CNTNAP2: variants seen among roughly 807,000 people sequenced by gnomAD.
CNTNAP2 encodes contactin associated protein 2.
Under a neutral mutation model 155.2 loss-of-function variants are expected in CNTNAP2, and 98 were observed. The observed-to-expected ratio is 0.63, with a 90% CI of 0.54 to 0.75. The LOEUF (loss-of-function observed/expected upper bound fraction) is 0.75, where lower values mean the gene tolerates loss of function less well. CNTNAP2 is among the 30% of genes least tolerant of loss of function. The pLI, the probability that CNTNAP2 is intolerant of heterozygous loss-of-function variation, is 0.00. For missense variants in CNTNAP2, 1,727 were observed against 1,688.1 expected (o/e 1.02, Z -0.40); for synonymous variants, 651 against 631.2 (o/e 1.03, Z -0.47).
At chr7:147,623,507 A>G (rs10261381) in intron 12 of CNTNAP2, among the ~76,000 whole-genome samples, 13,674 of 152,126 alleles carry the variant, frequency 0.09, 1,707 homozygotes, top group African/African-American at 0.26. Flanking sequence ...CCCATTTACA[A>G]TAGCCACAGA....
At chr7:148,405,120 C>T in intron 22 of CNTNAP2, among the ~76,000 whole-genome samples, 1 of 152,096 alleles carries the variant, frequency 6.6e-6, no homozygotes, top group South Asian at 2.1e-4. Flanking sequence ...CCAGGGACTC[C>T]ACCCTCTTCT....
intron 14 of CNTNAP2, among the ~76,000 whole-genome samples, chr7:147,945,509 A>G (rs2116821325): frequency 6.6e-6 from 1 of 152,300 alleles, no homozygotes. Context: ...AGGATCAAGT[A>G]TATGGTTGAA....
At chr7:146,975,725 A>G (rs1797897018) in intron 3 of CNTNAP2, among the ~76,000 whole-genome samples, 1 of 152,192 alleles carries the variant, frequency 6.6e-6, no homozygotes, top group African/African-American at 2.4e-5. Context: ...AAAATTAGGA[A>G]GGCTTTATTT....
At chr7:148,162,256 A>G (rs560373688) in intron 17 of CNTNAP2, among the ~76,000 whole-genome samples, 1 of 152,372 alleles carries the variant, frequency 6.6e-6, no homozygotes, top group South Asian at 2.1e-4. Context: ...CTTAATATGA[A>G]CAATAACCTA....
At chr7:148,010,149 G>A (rs1056978322) in intron 15 of CNTNAP2, among the ~76,000 whole-genome samples, 1 of 151,818 alleles carries the variant, frequency 6.6e-6, no homozygotes, top group Non-Finnish European at 1.5e-5. Flanking sequence ...TTTAATTTGG[G>A]TTTTCTTGAT....
intron 1 of CNTNAP2, among the ~76,000 whole-genome samples, chr7:146,650,641 TAACA>T (rs1288730326): frequency 1.3e-5 from 2 of 152,086 alleles, no homozygotes; most frequent in African/African-American, 4.8e-5. Flanking sequence ...TATACCTATG[TAACA>T]AACCTACAGG....
intron 9 of CNTNAP2, among the ~76,000 whole-genome samples, chr7:147,329,138 A>AC (rs201685568): frequency 5.9e-4 from 88 of 149,566 alleles, no homozygotes; most frequent in East Asian, 1.6e-3. Flanking sequence ...GGGATTGAGC[A>AC]CCCCCCCACA....
intron 1 of CNTNAP2, among the ~76,000 whole-genome samples, chr7:146,319,785 G>T (rs1800968979): frequency 6.6e-6 from 1 of 152,158 alleles, no homozygotes; most frequent in South Asian, 2.1e-4. Flanking sequence ...ATCTAATGTA[G>T]GTGGACAGCA....
At chr7:147,498,166 T>G (rs1798744050) in intron 11 of CNTNAP2, among the ~76,000 whole-genome samples, 1 of 108,020 alleles carries the variant, frequency 9.3e-6, no homozygotes, top group Admixed American at 9.8e-5. Flanking sequence ...AAGCCCAAGC[T>G]ATGATAAAAA....
intron 4 of CNTNAP2, among the ~76,000 whole-genome samples, chr7:147,087,868 T>C (rs201346233): frequency 6.6e-6 from 1 of 152,054 alleles, no homozygotes; most frequent in Admixed American, 6.5e-5. Context: ...TCCCAGCTAC[T>C]TGGGAGGCTG....
At chr7:148,404,165 T>C (rs1799649043) in intron 22 of CNTNAP2, among the ~76,000 whole-genome samples, 1 of 152,240 alleles carries the variant, frequency 6.6e-6, no homozygotes, top group Non-Finnish European at 1.5e-5. Flanking sequence ...ATTTTAATTA[T>C]GCCAGCCAAT....
At position 146,612,564 on chromosome 7, in the gene CNTNAP2, G is replaced by T. The variant is rs188398898; in HGVS notation, c.98-161707G>T. ...CAGACCTTATTTGCTTATTTTAAAG[G>T]CAGTGAGCAAAAGATGTAGAACTCC... On this transcript the variant is annotated intron_variant, in intron 1 of 23. Coordinates refer to ENST00000361727, the MANE Select transcript of CNTNAP2 (RefSeq NM_014141.6). 1.2e-3 allele frequency among the ~76,000 whole-genome samples: 182 copies of T among 151,958 alleles called. 1 individual carries two copies. The highest frequency in any genetic ancestry group is 2.0e-3 in the Non-Finnish European group (139 of 67,982).
chr7:147,622,888 G>T, intron 12 of CNTNAP2, among the ~76,000 whole-genome samples: 1 of 151,572 alleles, frequency 6.6e-6, no homozygotes, highest in East Asian at 1.9e-4. Context: ...GCCAGACTAG[G>T]AAAAAAAGAT....
At chr7:147,093,110 G>A (rs1025141967) in intron 4 of CNTNAP2, among the ~76,000 whole-genome samples, 1 of 150,744 alleles carries the variant, frequency 6.6e-6, no homozygotes, top group East Asian at 2.0e-4. Context: ...GCGTGGTGGC[G>A]GATGCCTGTA....
chr7:147,287,802 C>T (rs997476684), intron 8 of CNTNAP2, among the ~76,000 whole-genome samples: 16 of 152,080 alleles, frequency 1.1e-4, no homozygotes, highest in African/African-American at 3.9e-4. Flanking sequence ...AGTTACAGAT[C>T]TATTTCTCAA....
At chr7:148,027,087 G>A (rs1410378397) in intron 15 of CNTNAP2, among the ~76,000 whole-genome samples, 1 of 152,026 alleles carries the variant, frequency 6.6e-6, no homozygotes, top group Non-Finnish European at 1.5e-5. Flanking sequence ...TTTTTTCTGT[G>A]GGTTTTCACA....
intron 8 of CNTNAP2, among the ~76,000 whole-genome samples, chr7:147,231,822 A>C (rs1328606421): frequency 6.6e-6 from 1 of 152,196 alleles, no homozygotes; most frequent in Non-Finnish European, 1.5e-5. Flanking sequence ...TGATTTGGAC[A>C]TTAACTCCTC....
intron 3 of CNTNAP2, among the ~76,000 whole-genome samples, chr7:147,037,455 C>T (rs1451825602): frequency 8.9e-5 from 12 of 134,656 alleles, no homozygotes; most frequent in East Asian, 2.2e-4. Flanking sequence ...TTTTTTTTCC[C>T]TTTTTTTTTT....
chr7:147,699,452 G>A (rs1340311547), intron 13 of CNTNAP2, among the ~76,000 whole-genome samples: 3 of 152,106 alleles, frequency 2.0e-5, no homozygotes, highest in East Asian at 3.9e-4. Context: ...GCCTGTCGTG[G>A]GGTGGGGGGC....
Sources: allele counts gnomAD v4.1 joint callset (sites outside exome capture counted in the v4.1 genomes callset), GRCh38; gene constraint gnomAD v4.1.1; transcripts MANE v1.5; gene names NCBI Gene and HGNC (gene_info 2026-07-23, HGNC 2026-07-21).